The following MYO18B variants were observed in gnomAD, a reference collection of about 807,000 sequenced individuals.
MYO18B encodes the protein unconventional myosin-XVIIIb.
In MYO18B, 204 loss-of-function variants were observed where a neutral mutation model predicts 273.0. That is an observed-to-expected ratio of 0.75 (90% CI 0.67 to 0.84). The LOEUF is 0.84. MYO18B is among the 40% of genes least tolerant of loss of function. The pLI, the probability that MYO18B is intolerant of heterozygous loss-of-function variation, is 0.00. For synonymous variants in MYO18B, 1,330 were observed against 1,305.7 expected (o/e 1.02, Z -0.40); for missense variants, 3,212 against 3,287.6 (o/e 0.98, Z 0.56).
chr22:25,783,607 G>A (rs2087254687), intron 10 of MYO18B, among the ~76,000 whole-genome samples: 1 of 152,210 alleles, frequency 6.6e-6, no homozygotes, highest in Admixed American at 6.5e-5. Flanking sequence ...TTGCCTCCTG[G>A]AGAGGGGGAT....
intron 22 of MYO18B, among the ~76,000 whole-genome samples, chr22:25,871,509 T>C (rs1265393169): frequency 6.6e-6 from 1 of 152,198 alleles, no homozygotes; most frequent in African/African-American, 2.4e-5. Context: ...ATCAGATTTT[T>C]TTAAAACCTG....
At position 25,851,672 on chromosome 22, in the gene MYO18B, A is replaced by G. The variant is rs550822525; in HGVS notation, c.3885+93A>G. The G allele has an allele frequency of 7.7e-6, 7 of 914,156 alleles. No homozygotes were observed. The African/African-American group carries it at 1.1e-4, about 15-fold the overall frequency. 56.6% of individuals were successfully genotyped at this position (914,156 alleles called of 1,614,324 possible). A position where few individuals can be genotyped will look rare whatever the true frequency, so the allele number is the denominator to read the frequency against. ...CAAGGCTGGGCACGGTGAGTGGCTC[A>G]TGCCTGTAATCTCAGTGCTTTGGGA... On this transcript the variant is annotated intron_variant, in intron 21 of 43. Transcript: ENST00000335473.
intron 42 of MYO18B, among the ~76,000 whole-genome samples, chr22:26,005,492 C>G (rs907172702): frequency 9.2e-5 from 14 of 152,134 alleles, no homozygotes; most frequent in Admixed American, 6.5e-4. Context: ...AATAAATGGG[C>G]CTTTGGATTC....
At chr22:25,989,384 C>A (rs900270278) in intron 39 of MYO18B, among the ~76,000 whole-genome samples, 1 of 151,960 alleles carries the variant, frequency 6.6e-6, no homozygotes, top group East Asian at 1.9e-4. Flanking sequence ...GAATCTAAGA[C>A]AGAAATACAG....
chr22:26,037,570 A>G, the MYO18B span, among the ~76,000 whole-genome samples: 1 of 152,238 alleles, frequency 6.6e-6, no homozygotes, highest in Non-Finnish European at 1.5e-5. Flanking sequence ...CTGCACTAGC[A>G]CAGGCAGGCG....
intron 42 of MYO18B, among the ~76,000 whole-genome samples, chr22:26,012,272 T>TA (rs1327987861): frequency 6.6e-6 from 1 of 152,208 alleles, no homozygotes; most frequent in African/African-American, 2.4e-5. Context: ...TACTTAGCTT[T>TA]AAAAAACAGC....
chr22:26,018,719 G>A (rs947627323), intron 42 of MYO18B, among the ~76,000 whole-genome samples: 11 of 152,192 alleles, frequency 7.2e-5, no homozygotes, highest in Non-Finnish European at 1.5e-4. Context: ...TTGGGAGGCT[G>A]AGGTGGGTGG....
chr22:25,789,651 G>A (rs1165660454), intron 11 of MYO18B, among the ~76,000 whole-genome samples: 3 of 143,230 alleles, frequency 2.1e-5, no homozygotes, highest in Admixed American at 7.0e-5. Context: ...AAAAAATAAC[G>A]AAATTACTAC....
chr22:25,967,180 G>C (rs1281342102), intron 39 of MYO18B, among the ~76,000 whole-genome samples: 1 of 152,176 alleles, frequency 6.6e-6, no homozygotes, highest in Non-Finnish European at 1.5e-5. Context: ...CTGGAAATTA[G>C]AGTAACTTAA....
At chr22:25,976,473 C>G (rs2093090671) in intron 39 of MYO18B, among the ~76,000 whole-genome samples, 1 of 152,194 alleles carries the variant, frequency 6.6e-6, no homozygotes, top group South Asian at 2.1e-4. Context: ...TTGCTGTTTA[C>G]AACTCTGTTA....
chr22:25,765,243 G>A (rs1037314323), intron 3 of MYO18B, among the ~76,000 whole-genome samples: 14 of 152,172 alleles, frequency 9.2e-5, no homozygotes, highest in Non-Finnish European at 2.1e-4. Flanking sequence ...GAGCAAGGGA[G>A]CCTCAGGACA....
At chr22:25,949,942 A>G (rs768656743) in intron 36 of MYO18B, among the ~76,000 whole-genome samples, 10 of 152,140 alleles carry the variant, frequency 6.6e-5, no homozygotes, top group Non-Finnish European at 1.3e-4. Flanking sequence ...GGCTGAGCTG[A>G]GATTGTCAGT....
chr22:26,004,779 A>G lies in MYO18B; in HGVS notation c.6394A>G (p.Thr2132Ala), dbSNP rs1934290332. The G allele has an allele frequency of 6.2e-7, 1 of 1,613,798 alleles. No individual in the cohort carries two copies. The highest frequency in any genetic ancestry group is 8.5e-7 in the Non-Finnish European group (1 of 1,179,812). The change falls in exon 42 of 44, where the codon ACT becomes GCT. Residue 2132 changes from threonine (T) to alanine (A), a missense_variant. Transcript: ENST00000335473. ...EGSLQSWLSC[T>A]LSLATDTMRT... The stretch of plus-strand genomic sequence containing the variant: ...CAGCCTGCAGTCCTGGTTGAGCTGT[A>G]CTCTGTCCCTGGCCACAGATACTAT...
intron 1 of MYO18B, among the ~76,000 whole-genome samples, chr22:25,759,554 G>C (rs1197053376): frequency 6.6e-6 from 1 of 152,192 alleles, no homozygotes; most frequent in Admixed American, 6.5e-5. Context: ...AGCATTAGGA[G>C]AAATACCTAA....
chr22:26,014,768 T>C (rs1173529864), intron 42 of MYO18B, among the ~76,000 whole-genome samples: 1 of 152,160 alleles, frequency 6.6e-6, no homozygotes, highest in African/African-American at 2.4e-5. Flanking sequence ...CTGGTGTGAG[T>C]TGGTATCTCA....
chr22:25,940,501 G>C (rs1213876058), intron 34 of MYO18B, among the ~76,000 whole-genome samples: 1 of 152,158 alleles, frequency 6.6e-6, no homozygotes, highest in African/African-American at 2.4e-5. Context: ...ATACGCATGG[G>C]AAAAATCAAA....
intron 39 of MYO18B, among the ~76,000 whole-genome samples, chr22:25,964,453 G>A (rs981563701): frequency 5.3e-5 from 8 of 152,158 alleles, no homozygotes; most frequent in Admixed American, 2.6e-4. Flanking sequence ...GTGTTTACGT[G>A]TTCAAGTACA....
intron 42 of MYO18B, among the ~76,000 whole-genome samples, chr22:26,024,852 C>CT (rs1936119718): frequency 6.6e-6 from 1 of 152,206 alleles, no homozygotes; most frequent in South Asian, 2.1e-4. Flanking sequence ...ACACCATAGA[C>CT]TGGGTGGCTT....
Position 25,780,199 on chromosome 22 carries a change from G to A in MYO18B, c.2211+1G>A, listed in dbSNP as rs1350524979. 6 of 1,602,510 alleles carry A rather than the reference G, an allele frequency of 3.7e-6. No homozygotes were observed. Among genetic ancestry groups the A allele is most frequent in the Non-Finnish European group, 5.1e-6 (6 of 1,176,136 alleles). On this transcript the variant is annotated splice_donor_variant, in intron 9 of 43. Coordinates refer to ENST00000335473, the MANE Select transcript of MYO18B (RefSeq NM_032608.7). LOFTEE classifies it high-confidence loss of function. ...CCGCATCACAGCTGCTCAGCTCCAGGTGAGGCCTCTCGGGGGATGTGCAAG... is the reference window on the plus strand; with the variant it reads ...CCGCATCACAGCTGCTCAGCTCCAGATGAGGCCTCTCGGGGGATGTGCAAG...
Sources: allele counts gnomAD v4.1 joint callset (sites outside exome capture counted in the v4.1 genomes callset), GRCh38; gene constraint gnomAD v4.1.1; transcripts MANE v1.5; gene names NCBI Gene and HGNC (gene_info 2026-07-23, HGNC 2026-07-21).